ANAPC10: variants seen among roughly 807,000 people sequenced by gnomAD.
ANAPC10 encodes the protein anaphase promoting complex subunit 10.
In ANAPC10, 12 loss-of-function variants were observed where a neutral mutation model predicts 22.0. The observed-to-expected ratio is 0.55, with a 90% CI of 0.35 to 0.88. The LOEUF (loss-of-function observed/expected upper bound fraction) is 0.88, where lower values mean the gene tolerates loss of function less well. Among genes scored for constraint, ANAPC10 ranks in the 40% least tolerant of loss-of-function variants. The pLI is 0.01. For synonymous variants in ANAPC10, 65 were observed against 69.5 expected, an observed-to-expected ratio of 0.94 and a Z score of 0.32; for missense variants, 188 against 220.9, an observed-to-expected ratio of 0.85 and a Z score of 0.94.
intron 4 of ANAPC10, among the ~76,000 whole-genome samples, chr4:145,035,810 C>G (rs1738432768): frequency 6.6e-6 from 1 of 152,118 alleles, no homozygotes; most frequent in Admixed American, 6.6e-5. Context: ...TTTATTTAAC[C>G]AACTTCTACT....
rs569142196 is a variant in ANAPC10, at chr4:145,004,387, G to C, written c.328-8784C>G. On this transcript the variant is annotated intron_variant, in intron 4 of 4. Transcript: ENST00000507656. ...GAACTTCCAGGACTATGCTGAATAG[G>C]AGTGGTGAGTGAAGGCATCCTTGTT... 3.3e-5 allele frequency among the ~76,000 whole-genome samples: 5 copies of C among 152,172 alleles called. No homozygotes were observed. The South Asian group carries it at 1.0e-3, about 31-fold the overall frequency.
intron 4 of ANAPC10, among the ~76,000 whole-genome samples, chr4:145,048,521 A>C (rs1362035812): frequency 1.3e-5 from 2 of 152,162 alleles, no homozygotes; most frequent in Admixed American, 1.3e-4. Flanking sequence ...GTCATCATTA[A>C]GTCTACTTAA....
At chr4:145,077,206 A>T in intron 3 of ANAPC10, among the ~76,000 whole-genome samples, 1 of 152,198 alleles carries the variant, frequency 6.6e-6, no homozygotes, top group East Asian at 1.9e-4. Flanking sequence ...CTCAAAAAAA[A>T]TAAATAAATA....
intron 4 of ANAPC10, among the ~76,000 whole-genome samples, chr4:145,002,323 A>G (rs1417295905): frequency 5.3e-5 from 8 of 152,186 alleles, no homozygotes; most frequent in Non-Finnish European, 1.5e-5. Context: ...AAGAAGAAAG[A>G]CAGACTCCAA....
chr4:145,063,798 T>C (rs926147367), intron 4 of ANAPC10, among the ~76,000 whole-genome samples: 1 of 152,122 alleles, frequency 6.6e-6, no homozygotes, highest in Admixed American at 6.5e-5. Context: ...AATGAAGCAG[T>C]GACACATTCA....
In ANAPC10 at chr4:145,008,636, C is replaced by T. The variant is rs568279195; in HGVS notation, c.328-13033G>A. ...AAAAGGCCTTTGACAAAATTCAACA[C>T]AGCCCATCATGCTAAAAACTCTCAA... On this transcript the variant is annotated intron_variant, in intron 4 of 4. Transcript: ENST00000507656. 2.0e-5 allele frequency among the ~76,000 whole-genome samples: 3 copies of T among 149,760 alleles called. No individual in the cohort carries two copies. In the East Asian group the frequency reaches 5.9e-4, roughly 29 times the overall value.
chr4:145,091,300 C>T (rs879569740), intron 2 of ANAPC10, among the ~76,000 whole-genome samples: 3 of 152,036 alleles, frequency 2.0e-5, no homozygotes, highest in Non-Finnish European at 2.9e-5. Context: ...TAATGAGGTA[C>T]GATTCAGTGC....
chr4:145,058,972 G>C (rs2126416253), intron 4 of ANAPC10, among the ~76,000 whole-genome samples: 1 of 152,174 alleles, frequency 6.6e-6, no homozygotes, highest in East Asian at 1.9e-4. Flanking sequence ...AGTTAGTTAT[G>C]AAACTACTTT....
intron 4 of ANAPC10, among the ~76,000 whole-genome samples, chr4:145,001,795 C>T (rs1732614866): frequency 1.3e-5 from 2 of 152,126 alleles, no homozygotes; most frequent in Admixed American, 1.3e-4. Flanking sequence ...TCTGGATCTT[C>T]TGCTTCCTAT....
intron 3 of ANAPC10, among the ~76,000 whole-genome samples, chr4:145,074,257 C>A (rs1227364618): frequency 2.0e-5 from 3 of 151,710 alleles, no homozygotes; most frequent in African/African-American, 2.4e-5. Context: ...TTTCCTTCCC[C>A]CTCTCTACGT....
At chr4:145,003,516 T>C (rs1732888787) in intron 4 of ANAPC10, among the ~76,000 whole-genome samples, 1 of 152,178 alleles carries the variant, frequency 6.6e-6, no homozygotes, top group Admixed American at 6.5e-5. Context: ...CCGATTTTTG[T>C]ATACAGTGTA....
chr4:145,069,183 A>T (rs930939917), intron 3 of ANAPC10, among the ~76,000 whole-genome samples: 1 of 152,212 alleles, frequency 6.6e-6, no homozygotes, highest in East Asian at 1.9e-4. Context: ...GCTGAGCAAC[A>T]GGCAGCACAG....
At chr4:145,063,698 C>T (rs1743243313) in intron 4 of ANAPC10, among the ~76,000 whole-genome samples, 1 of 152,122 alleles carries the variant, frequency 6.6e-6, no homozygotes, top group African/African-American at 2.4e-5. Context: ...TGAAATACTT[C>T]AGGACTAAAG....
chr4:145,086,527 A>G (rs965428263), intron 2 of ANAPC10, among the ~76,000 whole-genome samples: 2 of 152,126 alleles, frequency 1.3e-5, no homozygotes, highest in Admixed American at 1.3e-4. Context: ...AAACTTTGAG[A>G]GCTCAGCCCT....
In ANAPC10 at chr4:145,055,742, A is replaced by C. The variant is rs529927217; in HGVS notation, c.327+8830T>G. ...AGAAACAAAAACTAGAACAGTGCTCACCAGGGCCTGGAGAAGGGGGAAACT... is the reference window on the plus strand; with the variant it reads ...AGAAACAAAAACTAGAACAGTGCTCCCCAGGGCCTGGAGAAGGGGGAAACT... On this transcript the variant is annotated intron_variant, in intron 4 of 4. Transcript: ENST00000507656. Among the ~76,000 whole-genome samples the C allele has an allele frequency of 2.6e-5, 4 of 152,212 alleles. No individual in the cohort carries two copies. In the South Asian group the frequency reaches 8.3e-4, roughly 32 times the overall value.
chr4:145,067,322 G>A (rs556569898), intron 3 of ANAPC10, among the ~76,000 whole-genome samples: 44 of 152,102 alleles, frequency 2.9e-4, no homozygotes, highest in Non-Finnish European at 4.7e-4. Context: ...CTCACTATAC[G>A]CCAGGCATCG....
chr4:145,081,877 T>A, intron 2 of ANAPC10, 127 bp from the exon 3 acceptor site: 1 of 709,464 alleles, frequency 1.4e-6, no homozygotes, highest in South Asian at 1.7e-5. Context: ...TATTAATTTT[T>A]TTTTATTTAT....
intron 4 of ANAPC10, among the ~76,000 whole-genome samples, chr4:145,049,902 T>G (rs981429292): frequency 8.5e-5 from 13 of 152,222 alleles, no homozygotes; most frequent in African/African-American, 3.1e-4. Flanking sequence ...CTGTTTCCAC[T>G]ACATCTGCAG....
At chr4:145,002,006 A>G (rs763157995) in intron 4 of ANAPC10, among the ~76,000 whole-genome samples, 1 of 152,180 alleles carries the variant, frequency 6.6e-6, no homozygotes, top group Non-Finnish European at 1.5e-5. Flanking sequence ...CATGGAAAAT[A>G]AAAGAAGGAA....
Sources: allele counts gnomAD v4.1 joint callset (sites outside exome capture counted in the v4.1 genomes callset), GRCh38; gene constraint gnomAD v4.1.1; transcripts MANE v1.5; gene names NCBI Gene and HGNC (gene_info 2026-07-23, HGNC 2026-07-21).